CNNM1: variants seen among roughly 807,000 people sequenced by gnomAD.
The protein encoded by CNNM1 is cyclin and CBS domain divalent metal cation transport mediator 1, also known as metal transporter CNNM1.
In CNNM1, 44 loss-of-function variants were observed where a neutral mutation model predicts 78.8. The ratio of observed to expected loss-of-function variants is 0.56; its 90% CI spans 0.44 to 0.72. The LOEUF (loss-of-function observed/expected upper bound fraction) is 0.72. CNNM1 is among the 30% of genes least tolerant of loss of function. CNNM1 has a pLI of 0.00. For missense variants in CNNM1, 1,101 were observed against 1,292.2 expected (o/e 0.85, Z 2.27); for synonymous variants, 584 against 581.5 (o/e 1.00, Z -0.06).
In CNNM1 at chr10:99,383,476, G is replaced by A. The variant is rs11190077; in HGVS notation, c.2341-4344G>A. 3.8e-3 allele frequency among the ~76,000 whole-genome samples: 577 copies of A among 152,290 alleles called. 1 individual carries two copies. Among genetic ancestry groups the A allele is most frequent in the Non-Finnish European group, 7.1e-3 (481 of 68,020 alleles). ...TTTAGTAGAGACAAGGTTTCACCAT[G>A]TTGGTCAGGCTGATCTCGAACTCCT... On this transcript the variant is annotated intron_variant, in intron 7 of 10. Coordinates refer to ENST00000356713, the MANE Select transcript of CNNM1 (RefSeq NM_020348.3).
chr10:99,379,247 T>G (rs1311920195), intron 7 of CNNM1, among the ~76,000 whole-genome samples: 1 of 152,244 alleles, frequency 6.6e-6, no homozygotes, highest in Admixed American at 6.5e-5. Context: ...GACAGCAAGC[T>G]GCTGCCCTTC....
chr10:99,346,947 C>T (rs1014719508), intron 1 of CNNM1, among the ~76,000 whole-genome samples: 4 of 152,008 alleles, frequency 2.6e-5, no homozygotes, highest in Admixed American at 1.3e-4. Context: ...AGCAAATGAA[C>T]GCAGAAACAG....
At chr10:99,373,646 C>T (rs901033368) in intron 6 of CNNM1, among the ~76,000 whole-genome samples, 3 of 152,086 alleles carry the variant, frequency 2.0e-5, no homozygotes, top group East Asian at 3.9e-4. Context: ...GAAGTCTGAG[C>T]TTTTAGTGTG....
intron 1 of CNNM1, among the ~76,000 whole-genome samples, chr10:99,347,841 G>C (rs955296825): frequency 1.3e-5 from 2 of 151,910 alleles, no homozygotes; most frequent in South Asian, 4.2e-4. Context: ...GATCTCCACA[G>C]GGCTCCCTAC....
intron 3 of CNNM1, 66 bp from the exon 4 acceptor site, chr10:99,362,161 G>C (rs775983979): frequency 5.5e-6 from 8 of 1,451,074 alleles, no homozygotes; most frequent in African/African-American, 1.4e-5. Context: ...CCTCCCAGCT[G>C]CCACTGCTGG....
At chr10:99,347,449 G>A (rs1331158514) in intron 1 of CNNM1, among the ~76,000 whole-genome samples, 4 of 152,032 alleles carry the variant, frequency 2.6e-5, no homozygotes. Context: ...GAACCCGGGA[G>A]GCGGAGGTTG....
intron 7 of CNNM1, 169 bp downstream of exon 7, chr10:99,377,387 G>A (rs555745967): frequency 1.6e-6 from 1 of 614,680 alleles, no homozygotes; most frequent in East Asian, 2.8e-5. Context: ...GCTGTTTTCA[G>A]TAAGCTTTAG....
rs1427431631 is a variant in CNNM1, at chr10:99,364,439, G to T, written c.2051G>T (p.Gly684Val). The change falls in exon 5 of 11, where the codon GGT (glycine) becomes GTT (valine). Residue 684 changes from glycine to valine, a missense_variant. Around this residue, in one of 3 missense-constraint regions of CNNM1, gnomAD observed 348 missense variants for 384.5 expected, o/e 0.90. Coordinates refer to ENST00000356713, the MANE Select transcript of CNNM1 (RefSeq NM_020348.3). The part of the protein sequence containing the change: ...LLQGKVEVEV[G>V]KEGLRFENGA... ...CAGGGTAAAGTGGAGGTGGAGGTTG[G>T]TAAGGAAGGCCTTCGCTTTGAAAAT... 2 of 1,611,684 alleles carry T rather than the reference G, an allele frequency of 1.2e-6. No homozygotes were observed. The highest frequency in any genetic ancestry group is 1.3e-5 in the African/African-American group (1 of 74,752).
At chr10:99,331,291 G>A (rs1485995742) in intron 1 of CNNM1, among the ~76,000 whole-genome samples, 1 of 152,172 alleles carries the variant, frequency 6.6e-6, no homozygotes, top group Non-Finnish European at 1.5e-5. Flanking sequence ...TCATTGCATA[G>A]CTCCCCACCT....
intron 10 of CNNM1, among the ~76,000 whole-genome samples, chr10:99,391,109 G>A (rs2032459455): frequency 1.3e-5 from 2 of 152,362 alleles, no homozygotes; most frequent in Admixed American, 6.5e-5. Context: ...GGCAGTCAGA[G>A]GGGCTGGCCC....
intron 1 of CNNM1, among the ~76,000 whole-genome samples, chr10:99,354,053 G>C (rs1339895613): frequency 8.6e-5 from 13 of 151,932 alleles, no homozygotes; most frequent in Admixed American, 8.5e-4. Context: ...TGTATTCTAG[G>C]GTTCACATTA....
chr10:99,363,015 A>G (rs1231872876), intron 4 of CNNM1, among the ~76,000 whole-genome samples: 8 of 152,182 alleles, frequency 5.3e-5, no homozygotes, highest in Non-Finnish European at 1.2e-4. Flanking sequence ...TCTGCTCTGG[A>G]TACCTGAATA....
intron 1 of CNNM1, among the ~76,000 whole-genome samples, chr10:99,347,815 C>G (rs2030765841): frequency 1.3e-5 from 2 of 150,280 alleles, no homozygotes; most frequent in African/African-American, 4.9e-5. Flanking sequence ...ACCTTTACAC[C>G]CTGTTCTACT....
At chr10:99,375,135 G>A (rs575256454) in intron 6 of CNNM1, among the ~76,000 whole-genome samples, 1 of 152,302 alleles carries the variant, frequency 6.6e-6, no homozygotes, top group South Asian at 2.1e-4. Flanking sequence ...AGTGGCTAAA[G>A]CAAAGCAAGA....
At position 99,391,875 on chromosome 10, in the gene CNNM1, G is replaced by T. The variant is rs542563305; in HGVS notation, c.*359G>T. 4.9e-6 allele frequency: 1 copy of T among 205,050 alleles called. No individual in the cohort carries two copies. The highest frequency in any genetic ancestry group is 9.9e-6 in the Non-Finnish European group (1 of 100,832). 12.7% of individuals were successfully genotyped at this position (205,050 alleles called of 1,614,324 possible). A position where few individuals can be genotyped will look rare whatever the true frequency, so the allele number is the denominator to read the frequency against. ...CTTTGGGTCCCCTGATGCCATAGGA[G>T]ACCTATCGTCTTGGAACTTGCCATT... On this transcript the variant is annotated 3_prime_UTR_variant, in exon 11 of 11. Transcript: ENST00000356713.
chr10:99,358,867 C>T (rs1315784952), intron 2 of CNNM1, among the ~76,000 whole-genome samples: 2 of 151,794 alleles, frequency 1.3e-5, no homozygotes, highest in East Asian at 1.9e-4. Context: ...GGCGTGGTGA[C>T]GTGTGCCTGT....
At chr10:99,352,898 T>G (rs1380988251) in intron 1 of CNNM1, among the ~76,000 whole-genome samples, 1 of 152,144 alleles carries the variant, frequency 6.6e-6, no homozygotes, top group South Asian at 2.1e-4. Flanking sequence ...GTGTTTTGGG[T>G]GTCCTAAGAA....
At chr10:99,356,077 T>C (rs144065880) in intron 1 of CNNM1, among the ~76,000 whole-genome samples, 2 of 152,086 alleles carry the variant, frequency 1.3e-5, no homozygotes, top group Non-Finnish European at 2.9e-5. Flanking sequence ...ACAGATTCTG[T>C]GAGTCAGGAA....
In CNNM1 at chr10:99,393,324, G is replaced by A. The variant is rs912257590; in HGVS notation, c.*1808G>A. The stretch of plus-strand genomic sequence containing the variant: ...CTCAAAAGAAAATGCTTACCCACAG[G>A]AACTGTTAACTCAGGGGTTCTTAAC... On this transcript the variant is annotated 3_prime_UTR_variant, in exon 11 of 11. Transcript: ENST00000356713. 1.3e-5 allele frequency: 2 copies of A among 152,562 alleles called. No individual in the cohort carries two copies. The highest frequency in any genetic ancestry group is 4.1e-4 in the South Asian group (2 of 4,826). The allele number at this position is 152,562 out of a possible 1,614,324, so 9.5% of individuals were successfully genotyped here. A position where few individuals can be genotyped will look rare whatever the true frequency, so the allele number is the denominator to read the frequency against.
Sources: allele counts gnomAD v4.1 joint callset (sites outside exome capture counted in the v4.1 genomes callset), GRCh38; gene constraint gnomAD v4.1.1; regional missense constraint gnomAD v4.1.1; transcripts MANE v1.5; gene names NCBI Gene and HGNC (gene_info 2026-07-23, HGNC 2026-07-21).